OR2B11: variants seen among roughly 807,000 people sequenced by gnomAD.
OR2B11 encodes olfactory receptor family 2 subfamily B member 11.
For missense variants in OR2B11, 422 were observed against 400.0 expected, an observed-to-expected ratio of 1.05 and a Z score of -0.47; for synonymous variants, 198 against 174.5, an observed-to-expected ratio of 1.13 and a Z score of -1.06.
chr1:247,451,666 G>A lies in OR2B11; in HGVS notation c.317C>T (p.Ala106Val). ...ISYGGCTVQY[A>V]VFHWLGCTEC... is the part of the protein sequence containing the mutation. ...CGTGCATCCCAGCCAGTGGAAGACT[G>A]CATATTGCACAGTGCAGCCTCCATA... Residue 106 changes from alanine to valine, a missense_variant, in exon 2 of 2, where the codon GCA becomes GTA. By Grantham distance (64) the Ala-to-Val change is moderately conservative. Coordinates refer to ENST00000641149, the MANE Select transcript of OR2B11 (RefSeq NM_001004492.2). The A allele has an allele frequency of 6.2e-7, 1 of 1,614,178 alleles. No homozygotes were observed. Among genetic ancestry groups the A allele is most frequent in the Non-Finnish European group, 8.5e-7 (1 of 1,180,022 alleles).
rs1288552531 is a variant in OR2B11 at position 247,452,859 on chromosome 1, A to G, written c.-877T>C. The stretch of plus-strand genomic sequence containing the variant: ...GCCCTCTAGGGCTAGGTTTTATCTG[A>G]TGGCTTGAGTGACATTCCAATTTCC... On this transcript the variant is annotated 5_prime_UTR_variant, in exon 2 of 2. Coordinates refer to ENST00000641149, the MANE Select transcript of OR2B11 (RefSeq NM_001004492.2). The G allele has an allele frequency of 1.3e-5, 2 of 152,188 alleles. No individual in the cohort carries two copies. Among genetic ancestry groups the G allele is most frequent in the Non-Finnish European group, 2.9e-5 (2 of 68,032 alleles). 9.4% of individuals were successfully genotyped at this position (152,188 alleles called of 1,614,324 possible). A position where few individuals can be genotyped will look rare whatever the true frequency, so the allele number is the denominator to read the frequency against.
At chr1:247,456,658 C>T (rs991084765) in intron 1 of OR2B11, among the ~76,000 whole-genome samples, 4 of 149,546 alleles carry the variant, frequency 2.7e-5, no homozygotes, top group South Asian at 2.1e-4. Flanking sequence ...ATGTGCAGAA[C>T]GTGGAGGTTT....
rs951539189 is a variant in OR2B11, at chr1:247,449,625, C to A, written c.*1404G>T. The A allele has an allele frequency of 6.6e-5, 10 of 151,984 alleles. No homozygotes were observed. 9.4% of individuals were successfully genotyped at this position (151,984 alleles called of 1,614,324 possible). A position where few individuals can be genotyped will look rare whatever the true frequency, so the allele number is the denominator to read the frequency against. ...CTTGTATAAGAATGTAAAACAATCA[C>A]ATTATTAAACATACCTTTTAGATGA... is the stretch of plus-strand genomic sequence containing the variant. On this transcript the variant is annotated 3_prime_UTR_variant, in exon 2 of 2. Coordinates refer to ENST00000641149, the MANE Select transcript of OR2B11 (RefSeq NM_001004492.2).
Position 247,451,037 on chromosome 1 carries a change from A to G in OR2B11, c.946T>C (p.Cys316Arg). The G allele has an allele frequency of 1.3e-6, 2 of 1,489,988 alleles. No homozygotes were observed. The highest frequency in any genetic ancestry group is 2.3e-5 in the East Asian group (1 of 43,630). The allele number at this position is 1,489,988 out of a possible 1,614,324, so 92.3% of individuals were successfully genotyped here. A position where few individuals can be genotyped will look rare whatever the true frequency, so the allele number is the denominator to read the frequency against. The change falls in exon 2 of 2, where the codon TGT becomes CGT. Residue 316 changes from cysteine to arginine, a missense_variant. Coordinates refer to ENST00000641149, the MANE Select transcript of OR2B11 (RefSeq NM_001004492.2). ...TACATCTCATGTCCTCATCATCCACAGAGCCTCCAGATCCTGGCCAGAAGT... is the reference window on the plus strand; with the variant it reads ...TACATCTCATGTCCTCATCATCCACGGAGCCTCCAGATCCTGGCCAGAAGT... The part of the protein sequence containing the change: ...RRLLARIWRL[C>R]G
In OR2B11 at chr1:247,452,379, A is replaced by G. The variant is rs149447263; in HGVS notation, c.-397T>C. 1,434 of 180,956 alleles carry G rather than the reference A, an allele frequency of 7.9e-3. 10 individuals are homozygous for G. The highest frequency in any genetic ancestry group is 0.011 in the Non-Finnish European group (925 of 84,176). 11.2% of individuals were successfully genotyped at this position (180,956 alleles called of 1,614,324 possible). A position where few individuals can be genotyped will look rare whatever the true frequency, so the allele number is the denominator to read the frequency against. Reference sequence around the variant, plus strand: ...AGCGAAGCGTGCTGCAGCTCCCATCACCGTCAGAGTGTTTGATTTCTCTCT... The same window carrying G: ...AGCGAAGCGTGCTGCAGCTCCCATCGCCGTCAGAGTGTTTGATTTCTCTCT... On this transcript the variant is annotated 5_prime_UTR_variant, in exon 2 of 2. Transcript: ENST00000641149.
chr1:247,451,922 C>T lies in OR2B11; in HGVS notation c.61G>A (p.Val21Met). Residue 21 changes from valine (V) to methionine (M), a missense_variant, in exon 2 of 2, where the codon GTG becomes ATG. Physicochemically the swap from Val to Met is conservative, Grantham distance 21. Coordinates refer to ENST00000641149, the MANE Select transcript of OR2B11 (RefSeq NM_001004492.2). ...AGTTCCAGCCACGGCCTGTCAGACA[C>T]ACCCAGAAGGATGAAGGCTTTAGGG... ...DSPKAFILLG[V>M]SDRPWLELPL... 2.5e-6 allele frequency: 4 copies of T among 1,613,236 alleles called. No homozygotes were observed. In the East Asian group the frequency reaches 8.9e-5, roughly 36 times the overall value.
intron 1 of OR2B11, 67 bp downstream of exon 1, chr1:247,457,572 C>A (rs550144437): frequency 6.6e-6 from 1 of 152,292 alleles, no homozygotes; most frequent in Non-Finnish European, 1.5e-5. Context: ...GTTAATACTG[C>A]CCATCCTGCA....
chr1:247,457,144 C>A (rs1310104781), intron 1 of OR2B11, among the ~76,000 whole-genome samples: 1 of 152,064 alleles, frequency 6.6e-6, no homozygotes, highest in South Asian at 2.1e-4. Flanking sequence ...ATGCCTCCCC[C>A]TACCACCACC....
In OR2B11 at chr1:247,451,557, A is replaced by C; in HGVS notation, c.426T>G (p.Arg142=). The C allele has an allele frequency of 7.4e-6, 12 of 1,614,106 alleles. No individual in the cohort carries two copies. The highest frequency in any genetic ancestry group is 1.0e-5 in the Non-Finnish European group (12 of 1,179,984). ...GAGCCACGAGCTGCTGACAGAGAGC[A>C]CGGTGCATGAGAACGGCATAGTGCA... The part of the protein sequence containing the change: ...KPLHYAVLMH[R]ALCQQLVALA... Residue 142 remains arginine (R), a synonymous_variant, in exon 2 of 2, where the codon CGT becomes CGG. Coordinates refer to ENST00000641149, the MANE Select transcript of OR2B11 (RefSeq NM_001004492.2).
At position 247,451,435 on chromosome 1, in the gene OR2B11, C is replaced by A. The variant is rs114764103; in HGVS notation, c.548G>T (p.Cys183Phe). The A allele has an allele frequency of 6.2e-7, 1 of 1,614,152 alleles. No homozygotes were observed. Among genetic ancestry groups the A allele is most frequent in the African/African-American group, 1.3e-5 (1 of 75,050 alleles). ...CGRQVLNNFF[C>F]EVPAVIKLSC... ...CAGCTTGATCACGGCCGGCACCTCA[C>A]AGAAAAAGTTGTTCAGCACCTGCCG... is the stretch of plus-strand genomic sequence containing the variant. Residue 183 changes from cysteine (C) to phenylalanine (F), a missense_variant, in exon 2 of 2, where the codon TGT (cysteine) becomes TTT (phenylalanine). Cys to Phe is a radical substitution (Grantham distance 205, BLOSUM62 -2). Coordinates refer to ENST00000641149, the MANE Select transcript of OR2B11 (RefSeq NM_001004492.2).
At position 247,449,712 on chromosome 1, in the gene OR2B11, T is replaced by G. The variant is rs1664795185; in HGVS notation, c.*1317A>C. ...TAAGGGAAACAGTATGAGATTTACA[T>G]TCTGTTGCAAACTCTGTCTTGTTAG... On this transcript the variant is annotated 3_prime_UTR_variant, in exon 2 of 2. Transcript: ENST00000641149. The G allele has an allele frequency of 6.6e-6, 1 of 152,028 alleles. No individual in the cohort carries two copies. Among genetic ancestry groups the G allele is most frequent in the African/African-American group, 2.4e-5 (1 of 41,250 alleles). The allele number at this position is 152,028 out of a possible 1,614,324, so 9.4% of individuals were successfully genotyped here.
rs202210424 is a variant in OR2B11, at chr1:247,451,074, C to T, written c.909G>A (p.Gly303=). The T allele has an allele frequency of 2.7e-6, 4 of 1,509,222 alleles. No individual in the cohort carries two copies. The highest frequency in any genetic ancestry group is 3.5e-6 in the Non-Finnish European group (4 of 1,129,224). The allele number at this position is 1,509,222 out of a possible 1,614,324, so 93.5% of individuals were successfully genotyped here. ...TCCTGGCCAGAAGTCTCCTCAGAGC[C>T]CCCTTCATATCTTTATTTCTCAGGG... is the stretch of plus-strand genomic sequence containing the variant. The part of the protein sequence containing the change: ...TYTLRNKDMK[G]ALRRLLARIW... Residue 303 remains glycine, a synonymous_variant, in exon 2 of 2, where the codon GGG becomes GGA. Transcript: ENST00000641149.
At position 247,451,083 on chromosome 1, in the gene OR2B11, A is replaced by C. The variant is rs764151335; in HGVS notation, c.900T>G (p.Asp300Glu). ...NPFTYTLRNKDMKGALRRLLA... is the reference protein window; with the variant it reads ...NPFTYTLRNKEMKGALRRLLA... Reference sequence around the variant, plus strand: ...GAAGTCTCCTCAGAGCCCCCTTCATATCTTTATTTCTCAGGGTGTAGGTGA... The same window carrying C: ...GAAGTCTCCTCAGAGCCCCCTTCATCTCTTTATTTCTCAGGGTGTAGGTGA... Residue 300 changes from aspartate (D) to glutamate (E), a missense_variant, in exon 2 of 2, where the codon GAT becomes GAG. Physicochemically the swap from Asp to Glu is conservative, Grantham distance 45. Transcript: ENST00000641149. 2 of 1,511,424 alleles carry C rather than the reference A, an allele frequency of 1.3e-6. No individual in the cohort carries two copies. The highest frequency in any genetic ancestry group is 1.8e-6 in the Non-Finnish European group (2 of 1,130,294). The allele number at this position is 1,511,424 out of a possible 1,614,324, so 93.6% of individuals were successfully genotyped here. A position where few individuals can be genotyped will look rare whatever the true frequency, so the allele number is the denominator to read the frequency against.
At chr1:247,455,573 C>T (rs1282538953) in intron 1 of OR2B11, among the ~76,000 whole-genome samples, 1 of 152,158 alleles carries the variant, frequency 6.6e-6, no homozygotes, top group Non-Finnish European at 1.5e-5. Context: ...CACGCTTTTT[C>T]TTAGGAGTCT....
Position 247,453,394 on chromosome 1 carries a change from G to A in OR2B11, c.-1412C>T, listed in dbSNP as rs188559312. ...TTTCAAAACCACACACGTTTTGTCA[G>A]AAAGTTGCCAATATTCTTGTGAAAC... On this transcript the variant is annotated 5_prime_UTR_variant, in exon 2 of 2. Transcript: ENST00000641149. 1 of 152,314 alleles carries A rather than the reference G, an allele frequency of 6.6e-6. No individual in the cohort carries two copies. Among genetic ancestry groups the A allele is most frequent in the East Asian group, 1.9e-4 (1 of 5,190 alleles). 9.4% of individuals were successfully genotyped at this position (152,314 alleles called of 1,614,324 possible). A position where few individuals can be genotyped will look rare whatever the true frequency, so the allele number is the denominator to read the frequency against.
rs930675622 is a variant in OR2B11 at position 247,454,181 on chromosome 1, G to GCGCA, written c.-2200_-2199insTGCG. 2 of 18,746 alleles carry GCGCA rather than the reference G, an allele frequency of 1.1e-4. No individual in the cohort carries two copies. Among genetic ancestry groups the GCGCA allele is most frequent in the African/African-American group, 1.3e-4 (2 of 14,822 alleles). The allele number at this position is 18,746 out of a possible 1,614,324, so 1.2% of individuals were successfully genotyped here. On this transcript the variant is annotated 5_prime_UTR_variant, in exon 2 of 2. It introduces an in-frame stop codon into an upstream open reading frame of the 5' UTR. Transcript: ENST00000641149. ...CACACACATGCATGCACGTGCACACGCACACACACACACACACACACACAC... is the reference window on the plus strand; with the variant it reads ...CACACACATGCATGCACGTGCACACGCGCACACACACACACACACACACACACAC...
Position 247,452,174 on chromosome 1 carries a change from CCT to C in OR2B11, c.-194_-193del. The stretch of plus-strand genomic sequence containing the variant: ...TCAGAACCAGGAGCCCCAGTAGCAG[CCT>C]CTGTGTCTTTGCTCTCCTTCCTACT... On this transcript the variant is annotated 5_prime_UTR_variant, in exon 2 of 2. Transcript: ENST00000641149. 1.7e-6 allele frequency: 1 copy of C among 575,036 alleles called. No individual in the cohort carries two copies. The highest frequency in any genetic ancestry group is 3.1e-6 in the Non-Finnish European group (1 of 322,016). The allele number at this position is 575,036 out of a possible 1,614,324, so 35.6% of individuals were successfully genotyped here.
chr1:247,451,382 T>C lies in OR2B11; in HGVS notation c.601A>G (p.Thr201Ala), dbSNP rs755403448. Residue 201 changes from threonine to alanine, a missense_variant, in exon 2 of 2, where the codon ACC becomes GCC. Thr to Ala is a moderately conservative substitution (Grantham distance 58). Transcript: ENST00000641149. ...AAGGCCACCAGCACAGCCAGTATGG[T>C]GTCATTCACAGCGGTGTCAGCACAC... ...LSCADTAVND[T>A]ILAVLVAFFV... 8.3e-5 allele frequency: 134 copies of C among 1,614,068 alleles called. 2 individuals are homozygous for C. The South Asian group carries it at 1.2e-3, about 14-fold the overall frequency.
Position 247,451,540 on chromosome 1 carries a change from A to G in OR2B11, c.443T>C (p.Leu148Pro), listed in dbSNP as rs754441048. ...GCCACTGAGCCAGGCCAGAGCCACGAGCTGCTGACAGAGAGCACGGTGCAT... is the reference window on the plus strand; with the variant it reads ...GCCACTGAGCCAGGCCAGAGCCACGGGCTGCTGACAGAGAGCACGGTGCAT... ...VLMHRALCQQLVALAWLSGFG... is the reference protein window; with the variant it reads ...VLMHRALCQQPVALAWLSGFG... Residue 148 changes from leucine to proline, a missense_variant, in exon 2 of 2, where the codon CTC becomes CCC. By Grantham distance (98) the Leu-to-Pro change is moderately conservative. Transcript: ENST00000641149. The G allele has an allele frequency of 6.2e-7, 1 of 1,614,198 alleles. No individual in the cohort carries two copies. Among genetic ancestry groups the G allele is most frequent in the Admixed American group, 1.7e-5 (1 of 60,038 alleles).
Sources: allele counts gnomAD v4.1 joint callset (sites outside exome capture counted in the v4.1 genomes callset), GRCh38; gene constraint gnomAD v4.1.1; transcripts MANE v1.5; gene names NCBI Gene and HGNC (gene_info 2026-07-23, HGNC 2026-07-21).